ALDH1L2: variants seen among roughly 807,000 people sequenced by gnomAD.
The protein encoded by ALDH1L2 is mitochondrial 10-formyltetrahydrofolate dehydrogenase.
A neutral mutation model predicts 111.0 loss-of-function variants in ALDH1L2; 91 were observed. That is an observed-to-expected ratio of 0.82 (90% confidence interval 0.69 to 0.98). The LOEUF is 0.98. Ranked by LOEUF, ALDH1L2 falls within the 50% of genes least tolerant of loss-of-function variation. The pLI, the probability that ALDH1L2 is intolerant of heterozygous loss-of-function variation, is 0.00. For synonymous variants in ALDH1L2, 374 were observed against 392.6 expected (o/e 0.95, Z 0.56); for missense variants, 995 against 1,126.8 (o/e 0.88, Z 1.67).
At position 105,061,640 on chromosome 12, in the gene ALDH1L2, G is replaced by C. The variant is rs955854486; in HGVS notation, c.1034C>G (p.Ala345Gly). 1.9e-6 allele frequency: 3 copies of C among 1,613,960 alleles called. No homozygotes were observed. Among genetic ancestry groups the C allele is most frequent in the Non-Finnish European group, 2.5e-6 (3 of 1,180,018 alleles). Residue 345 changes from alanine (A) to glycine (G), a missense_variant, in exon 8 of 23, where the codon GCA becomes GGA. Transcript: ENST00000258494. Reference protein sequence around the residue: ...VELTAEEVKVAETIKVIWAGI... With the variant: ...VELTAEEVKVGETIKVIWAGI... Reference sequence around the variant, plus strand: ...TCATGTGTTCACCTTGATGGTCTCTGCCACTTTCACCTCTTCAGCTGTCAG... The same window carrying C: ...TCATGTGTTCACCTTGATGGTCTCTCCCACTTTCACCTCTTCAGCTGTCAG...
chr12:105,037,188 G>A lies in ALDH1L2; in HGVS notation c.2145+915C>T, dbSNP rs1227634491. 2.6e-5 allele frequency among the ~76,000 whole-genome samples: 4 copies of A among 151,570 alleles called. No individual in the cohort carries two copies. In the East Asian group the frequency reaches 7.8e-4, roughly 30 times the overall value. On this transcript the variant is annotated intron_variant, in intron 18 of 22. Coordinates refer to ENST00000258494, the MANE Select transcript of ALDH1L2 (RefSeq NM_001034173.4). ...CTCATTTTATGCCTATATCTCAGAT[G>A]TGAAGAATGAGAACTAGGCCAATTT...
chr12:105,083,273 C>T (rs1878413872), intron 1 of ALDH1L2, among the ~76,000 whole-genome samples: 1 of 152,222 alleles, frequency 6.6e-6, no homozygotes, highest in African/African-American at 2.4e-5. Flanking sequence ...GTGGGGGAAG[C>T]TAATGAGGGG....
At chr12:105,062,808 T>C (rs1349469944) in intron 7 of ALDH1L2, 80 bp downstream of exon 7, 1 of 1,511,348 alleles carries the variant, frequency 6.6e-7, no homozygotes, top group African/African-American at 1.4e-5. Flanking sequence ...AGCAATGGAG[T>C]GAAAGCTATT....
At chr12:105,080,426 TA>T (rs1490633133) in intron 1 of ALDH1L2, among the ~76,000 whole-genome samples, 1 of 152,208 alleles carries the variant, frequency 6.6e-6, no homozygotes, top group Non-Finnish European at 1.5e-5. Context: ...TATTATGTAT[TA>T]TTATTCTTTT....
At chr12:105,069,025 G>A in intron 3 of ALDH1L2, 141 bp from the exon 4 acceptor site, 1 of 785,340 alleles carries the variant, frequency 1.3e-6, no homozygotes, top group Non-Finnish European at 1.8e-6. Context: ...CAGTAGAACT[G>A]GGAGACGTCA....
In ALDH1L2 at chr12:105,074,457, C is replaced by CAAAAAAAA. The variant is rs1565974203; in HGVS notation, c.49-453_49-452insTTTTTTTT. On this transcript the variant is annotated intron_variant, in intron 1 of 22. Transcript: ENST00000258494. ...TGAGTGACAGAGCAAGACTCTGTCT[C>CAAAAAAAA]CAAAAAAAAAAAAAAAAAAAAAAAA... is the stretch of plus-strand genomic sequence containing the variant. Among the ~76,000 whole-genome samples the CAAAAAAAA allele has an allele frequency of 3.7e-4, 35 of 93,502 alleles. 1 individual carries two copies. Among genetic ancestry groups the CAAAAAAAA allele is most frequent in the African/African-American group, 1.1e-3 (16 of 14,918 alleles). The allele number at this position is 93,502 out of a possible 152,430, so 61.3% of individuals were successfully genotyped here.
intron 9 of ALDH1L2, 111 bp downstream of exon 9, chr12:105,060,870 A>T (rs1876953571): frequency 1.2e-5 from 8 of 656,482 alleles, no homozygotes; most frequent in East Asian, 9.8e-5. Context: ...GATAGGTATG[A>T]TAAGGTAATC....
At chr12:105,052,639 C>G (rs902880351) in intron 11 of ALDH1L2, among the ~76,000 whole-genome samples, 173 bp downstream of exon 11, 3 of 152,154 alleles carry the variant, frequency 2.0e-5, no homozygotes, top group African/African-American at 7.2e-5. Flanking sequence ...CAGTTAATAG[C>G]AGCTGGTACC....
At position 105,046,968 on chromosome 12, in the gene ALDH1L2, C is replaced by A; in HGVS notation, c.1688G>T (p.Gly563Val). Residue 563 changes from glycine to valine, a missense_variant and splice_region_variant, in exon 14 of 23, where the codon GGT (glycine) becomes GTT (valine). Gly to Val is a moderately radical substitution (Grantham distance 109). Coordinates refer to ENST00000258494, the MANE Select transcript of ALDH1L2 (RefSeq NM_001034173.4). ...YFAGWCDKIQ[G>V]STIPINQARP... ...GGCCTGGTTGATTGGAATAGTAGAA[C>A]CCTAAAGAATGAGAAAAGTTGATAC... 6.2e-7 allele frequency: 1 copy of A among 1,613,740 alleles called. No homozygotes were observed. Among genetic ancestry groups the A allele is most frequent in the Non-Finnish European group, 8.5e-7 (1 of 1,179,754 alleles).
chr12:105,053,505 C>T (rs576108838), intron 10 of ALDH1L2, among the ~76,000 whole-genome samples: 2 of 152,146 alleles, frequency 1.3e-5, no homozygotes, highest in East Asian at 3.9e-4. Context: ...TGCCTTCATG[C>T]AGTTACTGTG....
intron 10 of ALDH1L2, among the ~76,000 whole-genome samples, chr12:105,056,827 AAAAG>A (rs1318228137): frequency 2.6e-5 from 4 of 151,162 alleles, no homozygotes; most frequent in Non-Finnish European, 5.9e-5. Context: ...TATTTAACAT[AAAAG>A]AAAGCAGTGA....
At chr12:105,051,211 A>G (rs1431002391) in intron 12 of ALDH1L2, among the ~76,000 whole-genome samples, 1 of 152,074 alleles carries the variant, frequency 6.6e-6, no homozygotes, top group Middle Eastern at 3.2e-3. Flanking sequence ...CTGCTCTGTG[A>G]CCTTGACCCT....
intron 3 of ALDH1L2, 132 bp from the exon 4 acceptor site, chr12:105,069,016 A>C (rs1415822533): frequency 1.1e-6 from 1 of 881,234 alleles, no homozygotes. Flanking sequence ...AGAAATTAAC[A>C]GTAGAACTGG....
intron 3 of ALDH1L2, 141 bp downstream of exon 3, chr12:105,070,429 G>A (rs1310097034): frequency 7.4e-6 from 5 of 677,520 alleles, no homozygotes; most frequent in Non-Finnish European, 1.2e-5. Context: ...GTCTCACTGG[G>A]TGTTCTGGCA....
At chr12:105,038,303 C>T (rs565285928) in intron 17 of ALDH1L2, 101 bp from the exon 18 acceptor site, 1 of 661,006 alleles carries the variant, frequency 1.5e-6, no homozygotes, top group South Asian at 1.8e-5. Context: ...CACACACACA[C>T]ACACACACAC....
intron 20 of ALDH1L2, among the ~76,000 whole-genome samples, 179 bp downstream of exon 20, chr12:105,031,590 T>C (rs1874698353): frequency 6.6e-6 from 1 of 152,150 alleles, no homozygotes. Flanking sequence ...ACCTGCCTCC[T>C]AGGTTAAAGT....
intron 15 of ALDH1L2, among the ~76,000 whole-genome samples, chr12:105,041,370 C>T (rs1875522145): frequency 6.6e-6 from 1 of 152,190 alleles, no homozygotes; most frequent in Non-Finnish European, 1.5e-5. Flanking sequence ...TCAAGTTATG[C>T]ACTTTTGGGA....
At chr12:105,067,089 G>C (rs1016976524) in intron 4 of ALDH1L2, among the ~76,000 whole-genome samples, 7 of 151,836 alleles carry the variant, frequency 4.6e-5, no homozygotes, top group Non-Finnish European at 1.5e-5. Context: ...GGTGGTGGGC[G>C]CCTGTAGTCC....
chr12:105,024,859 T>A (rs904717243), intron 22 of ALDH1L2, among the ~76,000 whole-genome samples: 13 of 152,236 alleles, frequency 8.5e-5, no homozygotes, highest in African/African-American at 3.1e-4. Flanking sequence ...CCCTACTTGA[T>A]GACAGACTCT....
Sources: gnomAD v4.1 joint callset for allele counts (sites outside exome capture counted in the v4.1 genomes callset) on GRCh38, gnomAD v4.1.1 for gene constraint, MANE v1.5 for transcripts, NCBI Gene and HGNC (gene_info 2026-07-23, HGNC 2026-07-21) for gene names.